Variants in PLA2G4A observed in about 807,000 individuals in gnomAD.
PLA2G4A encodes the protein cytosolic phospholipase A2.
Under a neutral mutation model 81.9 loss-of-function variants are expected in PLA2G4A, and 40 were observed. The ratio of observed to expected loss-of-function variants is 0.49; its 90% confidence interval spans 0.38 to 0.64. The LOEUF is 0.64. PLA2G4A is among the 30% of genes least tolerant of loss of function. PLA2G4A has a pLI of 0.00. For missense variants in PLA2G4A, 715 were observed against 905.1 expected (o/e 0.79, Z 2.69); for synonymous variants, 302 against 296.9 (o/e 1.02, Z -0.18).
At chr1:186,920,134 C>T (rs1185953058) in intron 7 of PLA2G4A, among the ~76,000 whole-genome samples, 3 of 152,032 alleles carry the variant, frequency 2.0e-5, no homozygotes, top group African/African-American at 4.8e-5. Context: ...TGGCCTGGCT[C>T]GGTTAGAAAA....
chr1:186,974,476 C>T (rs1571460516), intron 15 of PLA2G4A, among the ~76,000 whole-genome samples: 2 of 152,174 alleles, frequency 1.3e-5, no homozygotes. Context: ...GCCTGGGCAG[C>T]AGAGTGAGAC....
At chr1:186,923,616 G>A (rs1353237810) in intron 7 of PLA2G4A, among the ~76,000 whole-genome samples, 1 of 152,188 alleles carries the variant, frequency 6.6e-6, no homozygotes. Flanking sequence ...TGTGAACTGA[G>A]GGATGCAAGT....
intron 3 of PLA2G4A, among the ~76,000 whole-genome samples, chr1:186,888,521 C>T (rs1278524256): frequency 1.3e-5 from 2 of 152,136 alleles, no homozygotes; most frequent in Non-Finnish European, 2.9e-5. Context: ...TACGATTTGA[C>T]CTTATTTGTG....
At chr1:186,894,693 A>G (rs547192909) in intron 5 of PLA2G4A, among the ~76,000 whole-genome samples, 1 of 152,300 alleles carries the variant, frequency 6.6e-6, no homozygotes, top group East Asian at 1.9e-4. Flanking sequence ...ATCCTCAAGT[A>G]AATAGGGACA....
chr1:186,910,930 A>G (rs929267119), intron 6 of PLA2G4A, among the ~76,000 whole-genome samples: 8 of 152,236 alleles, frequency 5.3e-5, no homozygotes, highest in Non-Finnish European at 8.8e-5. Context: ...TGTGCCAAAC[A>G]AATATAAACA....
intron 7 of PLA2G4A, among the ~76,000 whole-genome samples, chr1:186,931,769 C>G (rs534651479): frequency 6.6e-6 from 1 of 152,086 alleles, no homozygotes; most frequent in Non-Finnish European, 1.5e-5. Context: ...ACTGGAAACA[C>G]AATGCATTCA....
Position 186,893,175 on chromosome 1 carries a change from G to T in PLA2G4A, c.264+16G>T. The stretch of plus-strand genomic sequence containing the variant: ...TGTTTTGGAGGTAAGTGAACCATTT[G>T]GATGCTGTTAGATGGTTGTGATTCA... On this transcript the variant is annotated intron_variant, in intron 4 of 17. Transcript: ENST00000367466. The T allele has an allele frequency of 2.5e-6, 4 of 1,603,166 alleles. No homozygotes were observed. The highest frequency in any genetic ancestry group is 1.1e-5 in the South Asian group (1 of 90,866).
chr1:186,848,722 TACACACACACAC>T, intron 1 of PLA2G4A, among the ~76,000 whole-genome samples: 1 of 148,884 alleles, frequency 6.7e-6, no homozygotes, highest in African/African-American at 2.5e-5. Flanking sequence ...CTAGTGATTT[TACACACACACAC>T]ACACACACAC....
At chr1:186,914,312 G>C (rs1032705832) in intron 7 of PLA2G4A, among the ~76,000 whole-genome samples, 3 of 150,242 alleles carry the variant, frequency 2.0e-5, no homozygotes, top group Non-Finnish European at 4.4e-5. Flanking sequence ...ATATTGCCCA[G>C]GTTGGTCTCA....
intron 6 of PLA2G4A, among the ~76,000 whole-genome samples, chr1:186,908,438 G>A (rs1654817630): frequency 1.3e-5 from 2 of 151,814 alleles, no homozygotes; most frequent in South Asian, 4.2e-4. Flanking sequence ...TTCTAATTAT[G>A]TTAGTGATTG....
chr1:186,917,355 A>G (rs1173313561), intron 7 of PLA2G4A, among the ~76,000 whole-genome samples: 3 of 152,140 alleles, frequency 2.0e-5, no homozygotes, highest in Non-Finnish European at 2.9e-5. Flanking sequence ...GTATAGGAGG[A>G]GGCCTATGAT....
At chr1:186,830,960 T>TTC (rs1553266588) in intron 1 of PLA2G4A, among the ~76,000 whole-genome samples, 1 of 33,742 alleles carries the variant, frequency 3.0e-5, no homozygotes, top group African/African-American at 1.1e-4. Flanking sequence ...CTTGCTTGCT[T>TTC]TCTTTCTTTC....
At chr1:186,939,631 T>C (rs1161206292) in intron 9 of PLA2G4A, among the ~76,000 whole-genome samples, 1 of 152,128 alleles carries the variant, frequency 6.6e-6, no homozygotes, top group Non-Finnish European at 1.5e-5. Flanking sequence ...TAGAACAGAC[T>C]CGCTTGATGC....
intron 1 of PLA2G4A, among the ~76,000 whole-genome samples, chr1:186,835,072 G>A (rs547241931): frequency 6.6e-6 from 1 of 152,156 alleles, no homozygotes; most frequent in Admixed American, 6.5e-5. Context: ...ACTAGGTCAG[G>A]TTTTACTGCT....
intron 7 of PLA2G4A, 32 bp downstream of exon 7, chr1:186,911,421 C>T: frequency 6.7e-7 from 1 of 1,491,694 alleles, no homozygotes; most frequent in Non-Finnish European, 9.4e-7. Flanking sequence ...TGTTACTATA[C>T]TTTAATAATA....
intron 15 of PLA2G4A, among the ~76,000 whole-genome samples, chr1:186,966,044 C>T (rs1176515626): frequency 6.8e-6 from 1 of 147,510 alleles, no homozygotes; most frequent in Admixed American, 6.9e-5. Flanking sequence ...TTTTGGTGAA[C>T]TGGACAAGGC....
intron 2 of PLA2G4A, among the ~76,000 whole-genome samples, chr1:186,860,150 TATTA>T (rs546329204): frequency 1.3e-5 from 2 of 152,274 alleles, no homozygotes; most frequent in African/African-American, 4.8e-5. Flanking sequence ...CAATAGGAGA[TATTA>T]ATTTATTAAG....
intron 3 of PLA2G4A, among the ~76,000 whole-genome samples, chr1:186,878,350 A>C (rs1050747284): frequency 1.5e-5 from 2 of 135,304 alleles, no homozygotes; most frequent in Non-Finnish European, 3.1e-5. Flanking sequence ...TTTTATATAT[A>C]TATATAAATA....
chr1:186,847,451 T>G (rs1275238401), intron 1 of PLA2G4A, among the ~76,000 whole-genome samples: 2 of 151,800 alleles, frequency 1.3e-5, no homozygotes, highest in Non-Finnish European at 2.9e-5. Flanking sequence ...GGGAGAGGAT[T>G]TCCCACATTC....
Sources: allele counts gnomAD v4.1 joint callset (sites outside exome capture counted in the v4.1 genomes callset), GRCh38; gene constraint gnomAD v4.1.1; transcripts MANE v1.5; gene names NCBI Gene and HGNC (gene_info 2026-07-23, HGNC 2026-07-21).